Variants in SLU7 observed in about 807,000 individuals in gnomAD.
SLU7 encodes the protein spliceosome associated SLU7, also known as pre-mRNA-splicing factor SLU7.
SLU7 carries 60 observed loss-of-function variants against 87.0 expected under a neutral mutation model. The ratio of observed to expected loss-of-function variants is 0.69; its 90% CI spans 0.56 to 0.86. SLU7 has a LOEUF of 0.86. Ranked by LOEUF, SLU7 falls within the 40% of genes least tolerant of loss-of-function variation. The probability of loss-of-function intolerance (pLI) is 0.00; values close to 1 mark genes in which losing one functional copy is unlikely to be tolerated. For synonymous variants in SLU7, 197 were observed against 222.0 expected (o/e 0.89, Z 1.00); for missense variants, 507 against 686.6 (o/e 0.74, Z 2.92).
rs1190687004 is a variant in SLU7 at position 160,406,533 on chromosome 5, T to C, written c.1222A>G (p.Lys408Glu). Reference protein sequence around the residue: ...VEYSRHGTVIKGQERAVACSK... With the variant: ...VEYSRHGTVIEGQERAVACSK... ...CAGGCAACAGCCCGCTCCTGTCCTT[T>C]GATGACTGTCCCATGTCTTGAGTAC... The change falls in exon 12 of 16, where the codon AAA (lysine) becomes GAA (glutamate). Residue 408 changes from lysine to glutamate, a missense_variant. Lys to Glu is a moderately conservative substitution (Grantham distance 56). This residue lies in a region of SLU7 where 43 missense variants were observed against 58.4 expected (regional missense o/e 0.74). Transcript: ENST00000297151. The C allele has an allele frequency of 6.2e-7, 1 of 1,614,004 alleles. No individual in the cohort carries two copies. The highest frequency in any genetic ancestry group is 1.7e-5 in the Admixed American group (1 of 59,984).
At chr5:160,414,578 C>T (rs529108987) in intron 2 of SLU7, 106 bp from the exon 3 acceptor site, 2 of 622,110 alleles carry the variant, frequency 3.2e-6, no homozygotes, top group East Asian at 3.1e-5. Context: ...AGAAATATTG[C>T]AGTGGTAGGG....
rs994568875 is a variant in SLU7 at position 160,407,715 on chromosome 5, T to C, written c.985+31A>G. 1.7e-5 allele frequency: 27 copies of C among 1,607,196 alleles called. No homozygotes were observed. The highest frequency in any genetic ancestry group is 2.3e-5 in the Non-Finnish European group (27 of 1,176,332). The stretch of plus-strand genomic sequence containing the variant: ...ATCCCAAACGTCTTATGAGCTGATA[T>C]AAAATGGCTTGACATAGAGGAAACA... On this transcript the variant is annotated intron_variant, in intron 10 of 15. Coordinates refer to ENST00000297151, the MANE Select transcript of SLU7 (RefSeq NM_006425.5). This position sits in a 1 kb window ranked among gnomAD's most constrained non-coding sequence, Gnocchi z 4.2.
At chr5:160,418,818 TGAA>T (rs1397735784) in intron 1 of SLU7, 1 of 152,284 alleles carries the variant, frequency 6.6e-6, no homozygotes, top group African/African-American at 2.4e-5. Flanking sequence ...ACTGTTTCCC[TGAA>T]GACGCAGGCC....
chr5:160,409,591 A>C (rs1309235135), intron 6 of SLU7, among the ~76,000 whole-genome samples: 1 of 152,216 alleles, frequency 6.6e-6, no homozygotes. Flanking sequence ...AGGTTATCCT[A>C]GTATCATGTC....
At chr5:160,414,144 G>T in intron 3 of SLU7, 165 bp from the exon 4 acceptor site, 2 of 689,768 alleles carry the variant, frequency 2.9e-6, no homozygotes, top group Non-Finnish European at 4.7e-6. Context: ...GAGTTCAGGA[G>T]TGTAAAATTT....
chr5:160,405,105 G>A lies in SLU7; in HGVS notation c.1318C>T (p.Arg440Ter), dbSNP rs1448567216. ...GAGTGACAGCATTTGTATCCCCATC[G>A]GCCTTCTTTCCAGTACGATCCCCAG... ...HIWGSYWKEG[R>*]WGYKCCHSFF... The change falls in exon 13 of 16, where the codon CGA becomes TGA. Residue 440 changes from arginine (R) to a stop codon, truncating the protein, a stop_gained. Coordinates refer to ENST00000297151, the MANE Select transcript of SLU7 (RefSeq NM_006425.5). LOFTEE classifies it high-confidence loss of function. The A allele has an allele frequency of 1.9e-6, 3 of 1,613,332 alleles. No homozygotes were observed. Among genetic ancestry groups the A allele is most frequent in the South Asian group, 1.1e-5 (1 of 91,068 alleles).
Position 160,412,400 on chromosome 5 carries a change from T to G in SLU7, c.639+51A>C, listed in dbSNP as rs375248167. ...ATGAATTCTTGTTTCAATTTTCATT[T>G]CTTTGTTTAAAAGAAATAAAACCTT... On this transcript the variant is annotated intron_variant, in intron 6 of 15. Coordinates refer to ENST00000297151, the MANE Select transcript of SLU7 (RefSeq NM_006425.5). The G allele has an allele frequency of 1.4e-5, 15 of 1,100,308 alleles. 1 individual carries two copies. In the African/African-American group the frequency reaches 1.9e-4, roughly 14 times the overall value. The allele number at this position is 1,100,308 out of a possible 1,614,324, so 68.2% of individuals were successfully genotyped here.
chr5:160,404,901 T>A lies in SLU7; in HGVS notation c.1393-21A>T, dbSNP rs116151476. On this transcript the variant is annotated intron_variant, in intron 13 of 15. Coordinates refer to ENST00000297151, the MANE Select transcript of SLU7 (RefSeq NM_006425.5). ...GAGTTCTGTGGGAAATACATGTAAT[T>A]TGAGTTGAGTGTCATAGTTACTAAT... The A allele has an allele frequency of 4.7e-4, 734 of 1,555,814 alleles. 6 individuals are homozygous for A. In the African/African-American group the frequency reaches 9.2e-3, roughly 20 times the overall value.
At chr5:160,411,837 C>T (rs1045899544) in intron 6 of SLU7, among the ~76,000 whole-genome samples, 1 of 151,788 alleles carries the variant, frequency 6.6e-6, no homozygotes, top group East Asian at 1.9e-4. Context: ...AAATGTTTTG[C>T]CCAGTTATAT....
At chr5:160,403,873 A>C (rs1436101726) in intron 15 of SLU7, among the ~76,000 whole-genome samples, 1 of 152,152 alleles carries the variant, frequency 6.6e-6, no homozygotes, top group Non-Finnish European at 1.5e-5. Flanking sequence ...ATAACTCTAA[A>C]ATGCTTTAGA....
chr5:160,406,476 T>C lies in SLU7; in HGVS notation c.1279A>G (p.Asn427Asp), dbSNP rs781552649. ...SKYEEDVKIH[N>D]HTHIWGSYWK... is the part of the protein sequence containing the mutation. ...TCCAGTTTAGCACATACTGTGTGAT[T>C]GTGGATCTTCACATCCTCCTCATAC... Residue 427 changes from asparagine to aspartate, a missense_variant, in exon 12 of 16, where the codon AAT becomes GAT. Physicochemically the swap from Asn to Asp is conservative, Grantham distance 23. Transcript: ENST00000297151. 2 of 1,608,748 alleles carry C rather than the reference T, an allele frequency of 1.2e-6. No homozygotes were observed. Among genetic ancestry groups the C allele is most frequent in the Non-Finnish European group, 1.7e-6 (2 of 1,178,244 alleles).
At chr5:160,415,936 A>G (rs1224203949) in intron 1 of SLU7, among the ~76,000 whole-genome samples, 1 of 151,710 alleles carries the variant, frequency 6.6e-6, no homozygotes, top group African/African-American at 2.4e-5. Context: ...TCTGTTGCCC[A>G]GGCTGGAGTG....
chr5:160,404,525 T>C lies in SLU7; in HGVS notation c.1496A>G (p.Lys499Arg), dbSNP rs746845445. 9.9e-6 allele frequency: 16 copies of C among 1,609,494 alleles called. No individual in the cohort carries two copies. The highest frequency in any genetic ancestry group is 3.4e-4 in the Middle Eastern group (2 of 5,934). Residue 499 changes from lysine to arginine, a missense_variant, in exon 15 of 16, where the codon AAG becomes AGG. Physicochemically the swap from Lys to Arg is conservative, Grantham distance 26. Around this residue, in one of 6 missense-constraint regions of SLU7, gnomAD observed 201 missense variants for 213.4 expected, o/e 0.94. Coordinates refer to ENST00000297151, the MANE Select transcript of SLU7 (RefSeq NM_006425.5). ...LHQEKLKEEK[K>R]KKKKKKKKHR... is the part of the protein sequence containing the mutation. ...CTTCTTCTTTTTCTTTTTCTTCTTC[T>C]TCTTTTCCTCTTTCAGTTTTTCTTG... is the stretch of plus-strand genomic sequence containing the variant.
intron 6 of SLU7, among the ~76,000 whole-genome samples, chr5:160,412,245 A>T (rs1352104436): frequency 6.6e-6 from 1 of 152,210 alleles, no homozygotes; most frequent in Non-Finnish European, 1.5e-5. Context: ...GTGTGTGTCT[A>T]AATATAAATA....
chr5:160,409,248 G>A (rs1435321035), intron 6 of SLU7, among the ~76,000 whole-genome samples: 2 of 152,024 alleles, frequency 1.3e-5, no homozygotes, highest in Non-Finnish European at 2.9e-5. Flanking sequence ...AAATCTACAA[G>A]TGACACAGTA....
Position 160,407,595 on chromosome 5 carries a change from C to G in SLU7, c.1006G>C (p.Asp336His). ...QTQLFAWEAY[D>H]KGSEVHLQAD... ...TGTAGATGCACTTCAGATCCCTTGTCATAGGCTTCCCATGCAAACACTAGA... is the reference window on the plus strand; with the variant it reads ...TGTAGATGCACTTCAGATCCCTTGTGATAGGCTTCCCATGCAAACACTAGA... Residue 336 changes from aspartate to histidine, a missense_variant, in exon 11 of 16, where the codon GAC becomes CAC. Asp to His is a moderately conservative substitution (Grantham distance 81). Coordinates refer to ENST00000297151, the MANE Select transcript of SLU7 (RefSeq NM_006425.5). This position sits in a 1 kb window ranked among gnomAD's most constrained non-coding sequence, Gnocchi z 4.2. 1 of 1,613,090 alleles carries G rather than the reference C, an allele frequency of 6.2e-7. No individual in the cohort carries two copies. Among genetic ancestry groups the G allele is most frequent in the Non-Finnish European group, 8.5e-7 (1 of 1,179,648 alleles).
chr5:160,404,973 G>C, intron 13 of SLU7, 58 bp downstream of exon 13: 1 of 1,528,420 alleles, frequency 6.5e-7, no homozygotes, highest in Admixed American at 1.7e-5. Context: ...GCATGTTTTA[G>C]TTTGACTTAG....
Position 160,407,433 on chromosome 5 carries a change from CT to C in SLU7, c.1125+42del. 1 of 1,568,554 alleles carries C rather than the reference CT, an allele frequency of 6.4e-7. No homozygotes were observed. The highest frequency in any genetic ancestry group is 8.6e-7 in the Non-Finnish European group (1 of 1,156,076). On this transcript the variant is annotated intron_variant, in intron 11 of 15. Coordinates refer to ENST00000297151, the MANE Select transcript of SLU7 (RefSeq NM_006425.5). The surrounding 1 kb of genome is among the most constrained non-coding windows in gnomAD (Gnocchi z 4.2). ...ACTAACGCTTATTAACTAGTAACTT[CT>C]CTTTAACAGAAGTTCTTCTTTAGCA...
At position 160,412,067 on chromosome 5, in the gene SLU7, T is replaced by A. The variant is rs368870603; in HGVS notation, c.639+384A>T. 3.3e-5 allele frequency among the ~76,000 whole-genome samples: 5 copies of A among 152,334 alleles called. No homozygotes were observed. In the East Asian group the frequency reaches 9.6e-4, roughly 29 times the overall value. ...TTAAGAACTACACAGCATTACACCA[T>A]GCAGATGCACTTAACCAATTCCCTG... On this transcript the variant is annotated intron_variant, in intron 6 of 15. Coordinates refer to ENST00000297151, the MANE Select transcript of SLU7 (RefSeq NM_006425.5).
Sources: allele counts gnomAD v4.1 joint callset (sites outside exome capture counted in the v4.1 genomes callset), GRCh38; gene constraint gnomAD v4.1.1; regional missense constraint gnomAD v4.1.1; non-coding constraint Gnocchi (gnomAD v3.1); transcripts MANE v1.5; gene names NCBI Gene and HGNC (gene_info 2026-07-23, HGNC 2026-07-21).